CDK20: variants seen among roughly 807,000 people sequenced by gnomAD.
The protein encoded by CDK20 is cyclin dependent kinase 20.
A neutral mutation model predicts 38.6 loss-of-function variants in CDK20; 40 were observed. That is an observed-to-expected ratio of 1.04 (90% CI 0.81 to 1.35). The LOEUF (loss-of-function observed/expected upper bound fraction) is 1.35, where lower values mean the gene tolerates loss of function less well. CDK20 is among the 40% of genes most tolerant of loss of function. The pLI is 0.00. For synonymous variants in CDK20, 209 were observed against 185.7 expected, an observed-to-expected ratio of 1.13 and a Z score of -1.02; for missense variants, 512 against 452.6, an observed-to-expected ratio of 1.13 and a Z score of -1.19.
chr9:87,967,273 T>A lies in CDK20; in HGVS notation c.*189A>T. On this transcript the variant is annotated 3_prime_UTR_variant, in exon 8 of 8. Coordinates refer to ENST00000325303, the MANE Select transcript of CDK20 (RefSeq NM_001039803.3). ...GAATCTCCTCTGCTCGACTGGATGT[T>A]CTCATACTCTTGGCTGGGAACATGA... 1.4e-6 allele frequency: 1 copy of A among 710,764 alleles called. No homozygotes were observed. 44.0% of individuals were successfully genotyped at this position (710,764 alleles called of 1,614,324 possible). A position where few individuals can be genotyped will look rare whatever the true frequency, so the allele number is the denominator to read the frequency against.
chr9:87,972,695 A>G (rs1393998711), intron 2 of CDK20, among the ~76,000 whole-genome samples: 1 of 152,220 alleles, frequency 6.6e-6, no homozygotes, highest in African/African-American at 2.4e-5. Flanking sequence ...AGTGGTGATG[A>G]TGACTTGGGC....
Position 87,966,900 on chromosome 9 carries a change from A to G in CDK20, c.*562T>C, listed in dbSNP as rs528087384. 2.6e-6 allele frequency: 1 copy of G among 378,480 alleles called. No homozygotes were observed. Among genetic ancestry groups the G allele is most frequent in the Non-Finnish European group, 5.2e-6 (1 of 190,576 alleles). The allele number at this position is 378,480 out of a possible 1,614,324, so 23.4% of individuals were successfully genotyped here. On this transcript the variant is annotated 3_prime_UTR_variant, in exon 8 of 8. Coordinates refer to ENST00000325303, the MANE Select transcript of CDK20 (RefSeq NM_001039803.3). ...CCCTCCCCATGACCCCAAAAACGAG[A>G]GCCATGAGACAATGCCACCTTAGCC...
intron 2 of CDK20, among the ~76,000 whole-genome samples, chr9:87,972,950 T>C (rs1829963710): frequency 1.3e-5 from 2 of 152,028 alleles, no homozygotes; most frequent in Admixed American, 1.3e-4. Flanking sequence ...AGACATAAAA[T>C]CCAACAGAAA....
Position 87,969,779 on chromosome 9 carries a change from C to G in CDK20, c.687+17G>C, listed in dbSNP as rs764037571. 6.2e-7 allele frequency: 1 copy of G among 1,613,504 alleles called. No individual in the cohort carries two copies. The highest frequency in any genetic ancestry group is 1.1e-5 in the South Asian group (1 of 91,030). On this transcript the variant is annotated intron_variant, in intron 6 of 7. Coordinates refer to ENST00000325303, the MANE Select transcript of CDK20 (RefSeq NM_001039803.3). ...TAAACCTGCCCCACACCCACCTCAC[C>G]AAGGGCCCCTACAAACCGGCCAGAC...
rs1398668804 is a variant in CDK20 at position 87,969,816 on chromosome 9, G to C, written c.667C>G (p.Pro223Ala). Residue 223 changes from proline (P) to alanine (A), a missense_variant, in exon 6 of 8, where the codon CCA becomes GCA. Coordinates refer to ENST00000325303, the MANE Select transcript of CDK20 (RefSeq NM_001039803.3). ...LCYVLRILGT[P>A]NPQVWPELTE... ...CAAACCGGCCAGACTTGAGGGTTTG[G>C]GGTGCCCAAGATGCGAAGCACATAG... is the stretch of plus-strand genomic sequence containing the variant. 6.2e-7 allele frequency: 1 copy of C among 1,613,598 alleles called. No homozygotes were observed. The highest frequency in any genetic ancestry group is 8.5e-7 in the Non-Finnish European group (1 of 1,179,802).
At position 87,973,994 on chromosome 9, in the gene CDK20, C is replaced by G; in HGVS notation, c.117G>C (p.Arg39=). The G allele has an allele frequency of 6.2e-7, 1 of 1,614,204 alleles. No homozygotes were observed. Among genetic ancestry groups the G allele is most frequent in the East Asian group, 2.2e-5 (1 of 44,868 alleles). ...IVALKKVALR[R]LEDGFPNQAL... is the part of the protein sequence containing the mutation. ...CCTGGTTAGGGAAGCCGTCCTCCAA[C>G]CGCCTTAGGGCCACCTTCTTGAGGG... is the stretch of plus-strand genomic sequence containing the variant. The change falls in exon 2 of 8, where the codon CGG becomes CGC. Residue 39 remains arginine (R), a synonymous_variant. Coordinates refer to ENST00000325303, the MANE Select transcript of CDK20 (RefSeq NM_001039803.3).
At chr9:87,970,410 C>T in intron 5 of CDK20, 158 bp downstream of exon 5, 2 of 671,168 alleles carry the variant, frequency 3.0e-6, no homozygotes, top group Non-Finnish European at 5.0e-6. Flanking sequence ...GTGAGGAACC[C>T]CAACCCCAAA....
chr9:87,971,043 C>G, intron 3 of CDK20, 104 bp downstream of exon 3: 1 of 1,498,390 alleles, frequency 6.7e-7, no homozygotes, highest in African/African-American at 1.4e-5. Flanking sequence ...GAGGCCTTGA[C>G]CAGCTCTGTC....
intron 2 of CDK20, among the ~76,000 whole-genome samples, chr9:87,972,393 G>A (rs1434394324): frequency 6.6e-6 from 1 of 152,142 alleles, no homozygotes; most frequent in Non-Finnish European, 1.5e-5. Flanking sequence ...GGAGGCTAGA[G>A]GGATGTGAGT....
In CDK20 at chr9:87,967,395, A is replaced by G. The variant is rs1042598857; in HGVS notation, c.*67T>C. On this transcript the variant is annotated 3_prime_UTR_variant, in exon 8 of 8. Transcript: ENST00000325303. ...GAGGCCTTGGAGGGTGAAGCCAGGC[A>G]GGTGGCAGAGGAACAGGTGGACTGA... 10 of 1,491,724 alleles carry G rather than the reference A, an allele frequency of 6.7e-6. No individual in the cohort carries two copies. In the African/African-American group the frequency reaches 9.8e-5, roughly 15 times the overall value. 92.4% of individuals were successfully genotyped at this position (1,491,724 alleles called of 1,614,324 possible).
At chr9:87,969,042 T>C (rs1829655264) in intron 7 of CDK20, 152 bp downstream of exon 7, 6 of 848,876 alleles carry the variant, frequency 7.1e-6, no homozygotes, top group Non-Finnish European at 1.1e-5. Flanking sequence ...AAGGCCCCTG[T>C]CCCCTGGGTT....
At chr9:87,970,208 T>C (rs1829751532) in intron 5 of CDK20, 3 of 440,662 alleles carry the variant, frequency 6.8e-6, no homozygotes, top group East Asian at 7.1e-5. Flanking sequence ...AACTATCTTC[T>C]TGCTGCAAAA....
intron 2 of CDK20, among the ~76,000 whole-genome samples, chr9:87,973,320 G>T (rs1829993543): frequency 2.0e-5 from 3 of 152,166 alleles, no homozygotes; most frequent in Admixed American, 2.0e-4. Context: ...TGTTGCCTCT[G>T]TCTCTTGTTA....
intron 7 of CDK20, chr9:87,968,117 G>C: frequency 1.3e-5 from 2 of 156,508 alleles, no homozygotes; most frequent in Admixed American, 6.2e-5. Flanking sequence ...AGAGGAGTGA[G>C]CACAGGGCAC....
Position 87,974,035 on chromosome 9 carries a change from T to G in CDK20, c.76A>C (p.Thr26Pro). Residue 26 changes from threonine to proline, a missense_variant and splice_region_variant, in exon 2 of 8, where the codon ACT becomes CCT. By Grantham distance (38) the Thr-to-Pro change is conservative. Transcript: ENST00000325303. ...GIVFKAKHVETGEIVALKKVA... is the reference protein window; with the variant it reads ...GIVFKAKHVEPGEIVALKKVA... ...TTCTTGAGGGCAACTATCTCGCCAG[T>G]CTGCAGGATAGAAGGCAGACACTGC... 6.2e-7 allele frequency: 1 copy of G among 1,614,020 alleles called. No homozygotes were observed.
At position 87,970,419 on chromosome 9, in the gene CDK20, A is replaced by T. The variant is rs1402074361; in HGVS notation, c.563+149T>A. ...ATCATAGTGAGGAACCCCAACCCCA[A>T]AGTGCTCAGAATACCCCAACCAGGG... On this transcript the variant is annotated intron_variant, in intron 5 of 7. Transcript: ENST00000325303. 9 of 702,692 alleles carry T rather than the reference A, an allele frequency of 1.3e-5. No individual in the cohort carries two copies. In the East Asian group the frequency reaches 2.2e-4, roughly 17 times the overall value. 43.5% of individuals were successfully genotyped at this position (702,692 alleles called of 1,614,324 possible).
rs1013750844 is a variant in CDK20 at position 87,966,931 on chromosome 9, C to G, written c.*531G>C. ...GAGACAATGCCACCTTAGCCATTTC[C>G]CTTGAGAGAAATGAAGGAGGAACAG... is the stretch of plus-strand genomic sequence containing the variant. On this transcript the variant is annotated 3_prime_UTR_variant, in exon 8 of 8. Coordinates refer to ENST00000325303, the MANE Select transcript of CDK20 (RefSeq NM_001039803.3). The G allele has an allele frequency of 9.9e-6, 4 of 403,882 alleles. No homozygotes were observed. The highest frequency in any genetic ancestry group is 2.0e-5 in the Non-Finnish European group (4 of 199,994). The allele number at this position is 403,882 out of a possible 1,614,324, so 25.0% of individuals were successfully genotyped here. A position where few individuals can be genotyped will look rare whatever the true frequency, so the allele number is the denominator to read the frequency against.
rs745871379 is a variant in CDK20 at position 87,967,564 on chromosome 9, G to A, written c.939C>T (p.Ala313=). The part of the protein sequence containing the change: ...PQRLGGPAPK[A]HPGPPHIHDF... Reference sequence around the variant, plus strand: ...CATGGATGTGGGGGGGCCCTGGATGGGCCTTGGGGGCAGGTCCCCCTAGAC... The same window carrying A: ...CATGGATGTGGGGGGGCCCTGGATGAGCCTTGGGGGCAGGTCCCCCTAGAC... Residue 313 remains alanine, a synonymous_variant, in exon 8 of 8, where the codon GCC becomes GCT. Transcript: ENST00000325303. 15 of 1,550,194 alleles carry A rather than the reference G, an allele frequency of 9.7e-6. No homozygotes were observed. Among genetic ancestry groups the A allele is most frequent in the Non-Finnish European group, 1.3e-5 (15 of 1,146,136 alleles).
Position 87,970,821 on chromosome 9 carries a change from A to C in CDK20, c.455T>G (p.Phe152Cys). 6.2e-7 allele frequency: 1 copy of C among 1,614,006 alleles called. No individual in the cohort carries two copies. Among genetic ancestry groups the C allele is most frequent in the East Asian group, 2.2e-5 (1 of 44,848 alleles). ...GTAGAGGCGGCTGCCGTCTGGGGAA[A>C]AGACTCGAGCCAGGCCAAAGTCCGC... The part of the protein sequence containing the change: ...KIADFGLARV[F>C]SPDGSRLYTH... Residue 152 changes from phenylalanine to cysteine, a missense_variant, in exon 4 of 8, where the codon TTT (phenylalanine) becomes TGT (cysteine). Phe to Cys is a radical substitution (Grantham distance 205). Transcript: ENST00000325303.
Sources: allele counts gnomAD v4.1 joint callset (sites outside exome capture counted in the v4.1 genomes callset), GRCh38; gene constraint gnomAD v4.1.1; transcripts MANE v1.5; gene names NCBI Gene and HGNC (gene_info 2026-07-23, HGNC 2026-07-21).